Variants in MAML2 observed in about 807,000 individuals in gnomAD.
The protein encoded by MAML2 is mastermind-like protein 2.
In MAML2, 22 loss-of-function variants were observed where a neutral mutation model predicts 96.1. The ratio of observed to expected loss-of-function variants is 0.23; its 90% CI spans 0.16 to 0.33. The LOEUF is 0.33. Ranked by LOEUF, MAML2 falls within the 10% of genes least tolerant of loss-of-function variation. MAML2 has a pLI of 1.00. For synonymous variants in MAML2, 561 were observed against 521.3 expected (o/e 1.08, Z -1.04); for missense variants, 1,367 against 1,392.4 (o/e 0.98, Z 0.29).
At chr11:96,191,770 CAAAAAAAA>C (rs11396681) in intron 1 of MAML2, among the ~76,000 whole-genome samples, 1 of 116,630 alleles carries the variant, frequency 8.6e-6, no homozygotes, top group Non-Finnish European at 1.8e-5. Flanking sequence ...AACTCTGTCT[CAAAAAAAA>C]AAAAAAAACC....
At chr11:96,061,962 T>C (rs926391660) in intron 2 of MAML2, among the ~76,000 whole-genome samples, 1 of 152,168 alleles carries the variant, frequency 6.6e-6, no homozygotes, top group Non-Finnish European at 1.5e-5. Flanking sequence ...ATAAACCACA[T>C]AGCAAAATGC....
intron 1 of MAML2, among the ~76,000 whole-genome samples, chr11:96,247,903 A>G (rs11021494): frequency 0.07 from 10,694 of 152,152 alleles, 455 homozygotes; most frequent in Middle Eastern, 0.11. Context: ...ACTGATATGT[A>G]TACCCACCTT....
At chr11:96,047,930 A>AAAAG (rs1555001445) in intron 2 of MAML2, among the ~76,000 whole-genome samples, 126 of 127,310 alleles carry the variant, frequency 9.9e-4, no homozygotes, top group African/African-American at 2.4e-3. Context: ...AAAAAAAAAA[A>AAAAG]AAAAGAAAAA....
In MAML2 at chr11:96,190,232, A is replaced by T. The variant is rs146760759; in HGVS notation, c.514-96715T>A. Among the ~76,000 whole-genome samples the T allele has an allele frequency of 1.1e-3, 163 of 152,318 alleles. 1 individual carries two copies. The highest frequency in any genetic ancestry group is 3.7e-3 in the African/African-American group (155 of 41,564). On this transcript the variant is annotated intron_variant, in intron 1 of 4. Coordinates refer to ENST00000524717, the MANE Select transcript of MAML2 (RefSeq NM_032427.4). ...ATACATGTGTTAGGCACTGATCCAG[A>T]CTTCTTAGGCATTACCTCATTTAAT... is the stretch of plus-strand genomic sequence containing the variant.
intron 2 of MAML2, among the ~76,000 whole-genome samples, chr11:96,027,784 T>C (rs1485762575): frequency 6.6e-6 from 1 of 152,184 alleles, no homozygotes; most frequent in East Asian, 1.9e-4. Flanking sequence ...CAGGCTGGAG[T>C]GCAGTGGCAT....
intron 1 of MAML2, among the ~76,000 whole-genome samples, chr11:96,233,729 G>A (rs1286773166): frequency 6.6e-6 from 1 of 152,018 alleles, no homozygotes; most frequent in Non-Finnish European, 1.5e-5. Flanking sequence ...ATAATACCTT[G>A]GCATATGGGA....
chr11:96,131,918 G>A (rs912869070), intron 1 of MAML2, among the ~76,000 whole-genome samples: 6 of 152,216 alleles, frequency 3.9e-5, no homozygotes, highest in African/African-American at 1.4e-4. Context: ...GCTGAGGTAG[G>A]AGAATCTCTT....
intron 1 of MAML2, among the ~76,000 whole-genome samples, chr11:96,264,908 C>T (rs1336284158): frequency 6.6e-6 from 1 of 152,202 alleles, no homozygotes; most frequent in Non-Finnish European, 1.5e-5. Flanking sequence ...TGCCTTTCTT[C>T]AGCTATAAGC....
chr11:96,062,850 C>T (rs964921309), intron 2 of MAML2, among the ~76,000 whole-genome samples: 6 of 152,174 alleles, frequency 3.9e-5, no homozygotes, highest in Non-Finnish European at 8.8e-5. Flanking sequence ...CCTTCAACTT[C>T]TGCCGCCATG....
chr11:96,227,682 T>C (rs751128180), intron 1 of MAML2, among the ~76,000 whole-genome samples: 2 of 152,232 alleles, frequency 1.3e-5, no homozygotes, highest in Non-Finnish European at 2.9e-5. Flanking sequence ...AGTTTCCTTA[T>C]ATGGTTGTTG....
chr11:96,038,006 G>T (rs552828549), intron 2 of MAML2, among the ~76,000 whole-genome samples: 4 of 152,204 alleles, frequency 2.6e-5, no homozygotes, highest in Admixed American at 6.5e-5. Flanking sequence ...ACATTCTTGT[G>T]CCATAATTAG....
chr11:96,002,433 C>G (rs1038700717), intron 2 of MAML2, among the ~76,000 whole-genome samples: 1 of 152,054 alleles, frequency 6.6e-6, no homozygotes, highest in Non-Finnish European at 1.5e-5. Context: ...GGGTGTGCCA[C>G]CTTAGAAGGA....
At chr11:96,333,742 A>G (rs1282505948) in intron 1 of MAML2, among the ~76,000 whole-genome samples, 1 of 152,254 alleles carries the variant, frequency 6.6e-6, no homozygotes, top group African/African-American at 2.4e-5. Context: ...TTTCAAAAGC[A>G]TAAATTTAAA....
At chr11:96,095,631 A>C (rs555661522) in intron 1 of MAML2, among the ~76,000 whole-genome samples, 1 of 152,336 alleles carries the variant, frequency 6.6e-6, no homozygotes, top group Middle Eastern at 3.4e-3. Flanking sequence ...AATGAAGCAG[A>C]GGAGAGACAC....
chr11:96,051,143 AC>A (rs943448736), intron 2 of MAML2, among the ~76,000 whole-genome samples: 2 of 152,160 alleles, frequency 1.3e-5, no homozygotes, highest in African/African-American at 4.8e-5. Context: ...ATCTATAGAA[AC>A]TTAAAATTAA....
At chr11:96,054,284 T>C (rs1859030117) in intron 2 of MAML2, among the ~76,000 whole-genome samples, 1 of 152,228 alleles carries the variant, frequency 6.6e-6, no homozygotes, top group South Asian at 2.1e-4. Flanking sequence ...ACTATTAATT[T>C]GTGCCTTAAC....
chr11:96,189,757 C>T (rs1198130455), intron 1 of MAML2, among the ~76,000 whole-genome samples: 1 of 152,170 alleles, frequency 6.6e-6, no homozygotes, highest in African/African-American at 2.4e-5. Context: ...TATTCAGGAA[C>T]ATCTGTGGGA....
intron 1 of MAML2, among the ~76,000 whole-genome samples, chr11:96,122,545 T>C (rs970398549): frequency 6.6e-6 from 1 of 151,666 alleles, no homozygotes; most frequent in African/African-American, 2.4e-5. Context: ...TGCACGTGCA[T>C]GTTTGTGTAT....
intron 1 of MAML2, among the ~76,000 whole-genome samples, chr11:96,156,506 G>A (rs1299975577): frequency 6.6e-6 from 1 of 152,150 alleles, no homozygotes; most frequent in East Asian, 1.9e-4. Context: ...GAAGGCAAGA[G>A]CTCCCTCCAA....
Sources: gnomAD v4.1 joint callset for allele counts (sites outside exome capture counted in the v4.1 genomes callset) on GRCh38, gnomAD v4.1.1 for gene constraint, MANE v1.5 for transcripts, NCBI Gene and HGNC (gene_info 2026-07-23, HGNC 2026-07-21) for gene names.